The following PTPRM variants were observed in gnomAD, a reference collection of about 807,000 sequenced individuals.
PTPRM encodes the protein protein tyrosine phosphatase receptor type M, also known as receptor-type tyrosine-protein phosphatase mu.
In PTPRM, 47 loss-of-function variants were observed where a neutral mutation model predicts 186.7. That is an observed-to-expected ratio of 0.25 (90% CI 0.20 to 0.32). The LOEUF (loss-of-function observed/expected upper bound fraction) is 0.32, where lower values mean the gene tolerates loss of function less well. Ranked by LOEUF, PTPRM falls within the 10% of genes least tolerant of loss-of-function variation. PTPRM has a pLI of 1.00. For synonymous variants in PTPRM, 668 were observed against 674.9 expected (o/e 0.99, Z 0.16); for missense variants, 1,494 against 1,865.0 (o/e 0.80, Z 3.66).
In PTPRM at chr18:8,139,792, C is replaced by G. The variant is rs541069147; in HGVS notation, c.2168-3855C>G. ...CTAATAGCTGCCTTGCCTTCACCCC[C>G]CAGCCCACTCCCCTTGATTTTTCTC... On this transcript the variant is annotated intron_variant, in intron 13 of 32. Transcript: ENST00000580170. Among the ~76,000 whole-genome samples, 10 of 152,234 alleles carry G rather than the reference C, an allele frequency of 6.6e-5. No individual in the cohort carries two copies. In the South Asian group the frequency reaches 1.0e-3, roughly 16 times the overall value.
At chr18:7,932,482 A>G (rs1355382914) in intron 5 of PTPRM, among the ~76,000 whole-genome samples, 1 of 152,138 alleles carries the variant, frequency 6.6e-6, no homozygotes, top group Non-Finnish European at 1.5e-5. Context: ...CCATTTTATT[A>G]TTGAAAGTCA....
intron 1 of PTPRM, among the ~76,000 whole-genome samples, chr18:7,646,476 G>A (rs1598289543): frequency 6.6e-6 from 1 of 152,140 alleles, no homozygotes; most frequent in East Asian, 1.9e-4. Flanking sequence ...CCTTTGTTGT[G>A]ATTATAGTCC....
intron 7 of PTPRM, among the ~76,000 whole-genome samples, chr18:8,035,846 C>G (rs943693508): frequency 6.6e-6 from 1 of 152,014 alleles, no homozygotes; most frequent in South Asian, 2.1e-4. Flanking sequence ...TTTTGTATCT[C>G]GATTATTTTT....
intron 22 of PTPRM, among the ~76,000 whole-genome samples, chr18:8,339,385 G>A (rs986445721): frequency 2.6e-5 from 4 of 152,078 alleles, no homozygotes; most frequent in Admixed American, 1.3e-4. Context: ...GAGATTAACC[G>A]TGTTGCCTAT....
intron 14 of PTPRM, among the ~76,000 whole-genome samples, chr18:8,189,897 C>T (rs962899801): frequency 6.6e-6 from 1 of 152,202 alleles, no homozygotes; most frequent in Non-Finnish European, 1.5e-5. Context: ...TCTCTGCAGT[C>T]ACTTTTTTAC....
intron 2 of PTPRM, among the ~76,000 whole-genome samples, chr18:7,799,790 G>A (rs2043857647): frequency 6.6e-6 from 1 of 151,968 alleles, no homozygotes; most frequent in Non-Finnish European, 1.5e-5. Flanking sequence ...GTTAACTTCA[G>A]TTACAAATTC....
chr18:7,726,578 C>T (rs2040553891), intron 1 of PTPRM, among the ~76,000 whole-genome samples: 1 of 152,172 alleles, frequency 6.6e-6, no homozygotes, highest in African/African-American at 2.4e-5. Flanking sequence ...TACCTCCCTT[C>T]TCAACTACTA....
intron 14 of PTPRM, among the ~76,000 whole-genome samples, chr18:8,185,570 T>TG (rs2093631467): frequency 1.3e-5 from 2 of 152,232 alleles, no homozygotes; most frequent in Non-Finnish European, 1.5e-5. Context: ...GCCTGGCAGG[T>TG]CAGTGGCCTC....
chr18:7,714,733 A>G (rs1180471062), intron 1 of PTPRM, among the ~76,000 whole-genome samples: 1 of 152,172 alleles, frequency 6.6e-6, no homozygotes, highest in African/African-American at 2.4e-5. Context: ...AGAATACTGT[A>G]AACACCTCTA....
chr18:7,698,689 T>C (rs1446427355), intron 1 of PTPRM, among the ~76,000 whole-genome samples: 2 of 152,224 alleles, frequency 1.3e-5, no homozygotes, highest in Admixed American at 6.5e-5. Context: ...AGTTTTCCAA[T>C]GTGATTGTAA....
chr18:8,371,063 G>A, intron 24 of PTPRM, 57 bp downstream of exon 24: 6 of 1,052,866 alleles, frequency 5.7e-6, no homozygotes, highest in Non-Finnish European at 8.5e-6. Context: ...TACCATACTA[G>A]CCTCATTAAC....
At chr18:8,387,345 G>T in intron 31 of PTPRM, 110 bp downstream of exon 31, 1 of 1,183,700 alleles carries the variant, frequency 8.4e-7, no homozygotes, top group South Asian at 1.5e-5. Context: ...AAATAAGTAG[G>T]TCTAGGTGAA....
At chr18:7,676,663 ATGTG>A (rs765723760) in intron 1 of PTPRM, among the ~76,000 whole-genome samples, 10,541 of 103,000 alleles carry the variant, frequency 0.1, 492 homozygotes, top group East Asian at 0.24. Flanking sequence ...GTGTGTGTGT[ATGTG>A]TGTGTGTGTG....
In PTPRM at chr18:8,156,460, G is replaced by T. The variant is rs138232785; in HGVS notation, c.2300+12681G>T. Among the ~76,000 whole-genome samples the T allele has an allele frequency of 1.1e-3, 161 of 152,344 alleles. 1 individual carries two copies. The South Asian group carries it at 0.023, about 22-fold the overall frequency. On this transcript the variant is annotated intron_variant, in intron 14 of 32. Coordinates refer to ENST00000580170, the MANE Select transcript of PTPRM (RefSeq NM_001105244.2). Reference sequence around the variant, plus strand: ...TTTTGCACATGTGAGATGTGACGATGATGATAATGTGTACTGCATAGGGGA... The same window carrying T: ...TTTTGCACATGTGAGATGTGACGATTATGATAATGTGTACTGCATAGGGGA...
intron 11 of PTPRM, among the ~76,000 whole-genome samples, chr18:8,106,441 T>A (rs1273944386): frequency 1.3e-5 from 2 of 152,162 alleles, no homozygotes; most frequent in Non-Finnish European, 2.9e-5. Context: ...TCAGATGCCC[T>A]CAATGTAGTA....
intron 1 of PTPRM, among the ~76,000 whole-genome samples, chr18:7,578,780 C>T (rs1448708599): frequency 1.3e-5 from 2 of 152,034 alleles, no homozygotes; most frequent in African/African-American, 2.4e-5. Context: ...AGCCTCCTTG[C>T]AGAGTTATTG....
At chr18:8,136,189 A>G (rs2092633836) in intron 13 of PTPRM, among the ~76,000 whole-genome samples, 1 of 152,100 alleles carries the variant, frequency 6.6e-6, no homozygotes, top group South Asian at 2.1e-4. Flanking sequence ...GGAAGCAGCC[A>G]CCCCCACTTC....
chr18:7,925,068 C>A lies in PTPRM; in HGVS notation c.548-1500C>A, dbSNP rs554845035. Among the ~76,000 whole-genome samples, 23 of 152,244 alleles carry A rather than the reference C, an allele frequency of 1.5e-4. No individual in the cohort carries two copies. In the South Asian group the frequency reaches 4.6e-3, roughly 30 times the overall value. ...TGGAAAAGTTTCTGGCACATAAGTA[C>A]CCAATAAAGGTTACCTTGTTCCATT... On this transcript the variant is annotated intron_variant, in intron 4 of 32. Coordinates refer to ENST00000580170, the MANE Select transcript of PTPRM (RefSeq NM_001105244.2).
chr18:7,639,487 A>C (rs1483375192), intron 1 of PTPRM, among the ~76,000 whole-genome samples: 1 of 150,802 alleles, frequency 6.6e-6, no homozygotes, highest in Non-Finnish European at 1.5e-5. Context: ...CTTGAGTTTA[A>C]GTGATTCTCC....
Sources: gnomAD v4.1 joint callset for allele counts (sites outside exome capture counted in the v4.1 genomes callset) on GRCh38, gnomAD v4.1.1 for gene constraint, MANE v1.5 for transcripts, NCBI Gene and HGNC (gene_info 2026-07-23, HGNC 2026-07-21) for gene names.